FXYD7: variants seen among roughly 807,000 people sequenced by gnomAD.
FXYD7 encodes the protein FXYD domain containing ion transport regulator 7, also known as FXYD domain-containing ion transport regulator 7.
A neutral mutation model predicts 15.3 loss-of-function variants in FXYD7; 7 were observed. That is an observed-to-expected ratio of 0.46 (90% CI 0.26 to 0.86). FXYD7 has a LOEUF of 0.86. Among genes scored for constraint, FXYD7 ranks in the 40% least tolerant of loss-of-function variants. FXYD7 has a pLI of 0.16. For missense variants in FXYD7, 78 were observed against 100.6 expected, an observed-to-expected ratio of 0.78 and a Z score of 0.96; for synonymous variants, 39 against 39.3, an observed-to-expected ratio of 0.99 and a Z score of 0.03.
At chr19:35,152,850 G>C (rs1375744716) in intron 5 of FXYD7, among the ~76,000 whole-genome samples, 1 of 149,482 alleles carries the variant, frequency 6.7e-6, no homozygotes, top group Non-Finnish European at 1.5e-5. Flanking sequence ...AAAATAACTT[G>C]ACCTGTTTTT....
rs569253411 is a variant in FXYD7, at chr19:35,154,193, C to A, written c.*277C>A. 16 of 535,164 alleles carry A rather than the reference C, an allele frequency of 3.0e-5. No individual in the cohort carries two copies. The highest frequency in any genetic ancestry group is 5.3e-5 in the Non-Finnish European group (16 of 302,708). The allele number at this position is 535,164 out of a possible 1,614,324, so 33.2% of individuals were successfully genotyped here. ...CCCGGCCCAGCACCCCCAGCATCCC[C>A]GTGTATGGCCCCCCTGCACCTCCTT... On this transcript the variant is annotated 3_prime_UTR_variant, in exon 6 of 6. Coordinates refer to ENST00000270310, the MANE Select transcript of FXYD7 (RefSeq NM_022006.2).
At position 35,151,625 on chromosome 19, in the gene FXYD7, C is replaced by T; in HGVS notation, c.180-8C>T. On this transcript the variant is annotated splice_region_variant and splice_polypyrimidine_tract_variant and intron_variant, in intron 4 of 5. Coordinates refer to ENST00000270310, the MANE Select transcript of FXYD7 (RefSeq NM_022006.2). ...TTCTACTTTTCTCTCTCATCTCTGC[C>T]TCCACAGCCCAACCTGCAAATCCTG... 6.2e-7 allele frequency: 1 copy of T among 1,612,530 alleles called. No homozygotes were observed. Among genetic ancestry groups the T allele is most frequent in the Non-Finnish European group, 8.5e-7 (1 of 1,178,536 alleles).
chr19:35,146,661 A>G (rs995669036), intron 1 of FXYD7, among the ~76,000 whole-genome samples: 1 of 152,226 alleles, frequency 6.6e-6, no homozygotes, highest in Non-Finnish European at 1.5e-5. Context: ...TGCTGGTTAC[A>G]TCAATAAATA....
intron 5 of FXYD7, among the ~76,000 whole-genome samples, chr19:35,153,358 C>A (rs565438705): frequency 6.6e-6 from 1 of 152,282 alleles, no homozygotes; most frequent in South Asian, 2.1e-4. Context: ...CAGCGCTTGG[C>A]CTGTTTCATG....
At chr19:35,151,760 T>C in intron 5 of FXYD7, 87 bp downstream of exon 5, 1 of 619,884 alleles carries the variant, frequency 1.6e-6, no homozygotes, top group Non-Finnish European at 3.0e-6. Flanking sequence ...GGGGATGGAC[T>C]GGACGCAGGG....
At chr19:35,144,870 C>T (rs1019078497) in intron 1 of FXYD7, among the ~76,000 whole-genome samples, 1 of 152,020 alleles carries the variant, frequency 6.6e-6, no homozygotes, top group Non-Finnish European at 1.5e-5. Flanking sequence ...CGGGAAACCC[C>T]GGGGGAGGAA....
At chr19:35,148,156 T>C (rs2065297465) in intron 1 of FXYD7, among the ~76,000 whole-genome samples, 1 of 148,334 alleles carries the variant, frequency 6.7e-6, no homozygotes, top group Non-Finnish European at 1.5e-5. Context: ...AAATAAGTAA[T>C]GTGGGGTATG....
intron 2 of FXYD7, chr19:35,149,149 G>A (rs1185665344): frequency 2.4e-6 from 1 of 419,774 alleles, no homozygotes; most frequent in African/African-American, 2.0e-5. Flanking sequence ...TGAGGACTGT[G>A]GGAAAGATAC....
At chr19:35,148,093 A>AAGAAAGAG (rs1555737010) in intron 1 of FXYD7, among the ~76,000 whole-genome samples, 1 of 124,892 alleles carries the variant, frequency 8.0e-6, no homozygotes, top group East Asian at 2.7e-4. Context: ...GAAAGAAAGA[A>AAGAAAGAG]AGAGAGAGAG....
chr19:35,151,144 C>T, intron 2 of FXYD7, 110 bp from the exon 3 acceptor site: 1 of 782,802 alleles, frequency 1.3e-6, no homozygotes, highest in Non-Finnish European at 2.3e-6. Context: ...CAGTCCACAG[C>T]CTCCCTGGGC....
At chr19:35,152,089 A>C (rs934641005) in intron 5 of FXYD7, among the ~76,000 whole-genome samples, 1 of 131,778 alleles carries the variant, frequency 7.6e-6, no homozygotes, top group Admixed American at 9.2e-5. Context: ...CAATGAGCTG[A>C]GGTTGTGCCA....
intron 2 of FXYD7, chr19:35,149,389 G>C (rs1413020359): frequency 3.9e-6 from 1 of 259,148 alleles, no homozygotes; most frequent in African/African-American, 2.2e-5. Context: ...ACCGGCTAAG[G>C]CTCCCCCTTA....
At chr19:35,148,093 A>AAGAG (rs770163373) in intron 1 of FXYD7, among the ~76,000 whole-genome samples, 9 of 125,010 alleles carry the variant, frequency 7.2e-5, no homozygotes, top group East Asian at 5.5e-4. Context: ...GAAAGAAAGA[A>AAGAG]AGAGAGAGAG....
chr19:35,148,857 G>A, intron 2 of FXYD7, 134 bp downstream of exon 2: 1 of 828,818 alleles, frequency 1.2e-6, no homozygotes, highest in Non-Finnish European at 2.1e-6. Flanking sequence ...ATATGTGGGT[G>A]TGGTTCACAT....
Position 35,151,498 on chromosome 19 carries a change from G to T in FXYD7, c.179+16G>T. The T allele has an allele frequency of 1.9e-6, 3 of 1,613,730 alleles. No homozygotes were observed. Among genetic ancestry groups the T allele is most frequent in the African/African-American group, 1.3e-5 (1 of 75,038 alleles). ...GGTCTGAGAGGTCTGGCAGCAGTGG[G>T]CAAAGAGCGGGAGGGGGCCTCGGGG... On this transcript the variant is annotated intron_variant, in intron 4 of 5. Coordinates refer to ENST00000270310, the MANE Select transcript of FXYD7 (RefSeq NM_022006.2).
At chr19:35,153,872 C>T (rs2065326719) in intron 5 of FXYD7, 22 bp from the exon 6 acceptor site, 4 of 1,612,202 alleles carry the variant, frequency 2.5e-6, no homozygotes, top group African/African-American at 2.7e-5. Context: ...TCTAGTGGCT[C>T]ACGCACCCCC....
chr19:35,146,782 G>T (rs1038954549), intron 1 of FXYD7, among the ~76,000 whole-genome samples: 1 of 152,202 alleles, frequency 6.6e-6, no homozygotes, highest in Admixed American at 6.5e-5. Context: ...ATTAACAAGG[G>T]TTGGAAGGTG....
intron 1 of FXYD7, among the ~76,000 whole-genome samples, chr19:35,144,868 C>T (rs1269723363): frequency 6.6e-6 from 1 of 152,130 alleles, no homozygotes; most frequent in Non-Finnish European, 1.5e-5. Context: ...CTCGGGAAAC[C>T]CCGGGGGAGG....
rs533371010 is a variant in FXYD7 at position 35,150,622 on chromosome 19, C to CCAGT, written c.62-631_62-628dup. Among the ~76,000 whole-genome samples, 6 of 152,152 alleles carry CCAGT rather than the reference C, an allele frequency of 3.9e-5. No individual in the cohort carries two copies. In the South Asian group the frequency reaches 1.2e-3, roughly 32 times the overall value. ...AAGAGCTTTCAGGCTGCAGGAACAG[C>CCAGT]CAGTGCAAAGGCCTTGGGATAGGAT... On this transcript the variant is annotated intron_variant, in intron 2 of 5. Transcript: ENST00000270310.
Sources: allele counts gnomAD v4.1 joint callset (sites outside exome capture counted in the v4.1 genomes callset), GRCh38; gene constraint gnomAD v4.1.1; transcripts MANE v1.5; gene names NCBI Gene and HGNC (gene_info 2026-07-23, HGNC 2026-07-21).